The following SCUBE2 variants were observed in gnomAD, a reference collection of about 807,000 sequenced individuals.
SCUBE2 encodes signal peptide, CUB domain and EGF like domain containing 2.
Under a neutral mutation model 125.9 loss-of-function variants are expected in SCUBE2, and 114 were observed. The ratio of observed to expected loss-of-function variants is 0.91; its 90% CI spans 0.78 to 1.06. SCUBE2 has a LOEUF of 1.06. SCUBE2 is among the 50% of genes least tolerant of loss of function. SCUBE2 has a pLI of 0.00. For synonymous variants in SCUBE2, 459 were observed against 492.9 expected, an observed-to-expected ratio of 0.93 and a Z score of 0.91; for missense variants, 1,255 against 1,301.8, an observed-to-expected ratio of 0.96 and a Z score of 0.55.
chr11:9,028,377 T>C (rs1345535158), intron 19 of SCUBE2, among the ~76,000 whole-genome samples: 1 of 152,146 alleles, frequency 6.6e-6, no homozygotes, highest in Non-Finnish European at 1.5e-5. Flanking sequence ...TAATTAGCTA[T>C]CAGTAGGTAC....
Position 9,019,544 on chromosome 11 carries a change from TGAAGA to T in SCUBE2, c.*1496_*1500del, listed in dbSNP as rs1401501501. 6.6e-6 allele frequency among the ~76,000 whole-genome samples: 1 copy of T among 152,120 alleles called. No individual in the cohort carries two copies. The highest frequency in any genetic ancestry group is 1.5e-5 in the Non-Finnish European group (1 of 68,024). ...TTTTTAATGATGATGTTCAAACTTT[TGAAGA>T]GAAATCTGAAAATGAATATTTAGGG... On this transcript the variant is annotated 3_prime_UTR_variant, in exon 23 of 23. Transcript: ENST00000649792.
intron 13 of SCUBE2, among the ~76,000 whole-genome samples, chr11:9,051,789 G>A (rs971514772): frequency 3.3e-5 from 5 of 152,236 alleles, no homozygotes; most frequent in African/African-American, 9.6e-5. Context: ...TGCCTGGTAC[G>A]TAGTAATAAC....
chr11:9,087,716 T>A (rs1314161888), intron 2 of SCUBE2, among the ~76,000 whole-genome samples: 1 of 152,220 alleles, frequency 6.6e-6, no homozygotes, highest in East Asian at 1.9e-4. Flanking sequence ...CCCGTCATAA[T>A]CCCATCTGTT....
At chr11:9,076,362 CT>C (rs776972938) in intron 3 of SCUBE2, among the ~76,000 whole-genome samples, 19 of 152,040 alleles carry the variant, frequency 1.2e-4, no homozygotes, top group Non-Finnish European at 2.5e-4. Flanking sequence ...CTGTGATACC[CT>C]GTGCACAGCT....
At chr11:9,041,078 C>G (rs555397614) in intron 16 of SCUBE2, among the ~76,000 whole-genome samples, 1 of 152,340 alleles carries the variant, frequency 6.6e-6, no homozygotes, top group Admixed American at 6.5e-5. Flanking sequence ...CCACCACTAT[C>G]AATAATGAAC....
chr11:9,062,233 G>T (rs1255127850), intron 7 of SCUBE2, among the ~76,000 whole-genome samples: 1 of 152,190 alleles, frequency 6.6e-6, no homozygotes, highest in Non-Finnish European at 1.5e-5. Flanking sequence ...CAAAAGCTAT[G>T]TTAAAATAAC....
chr11:9,028,576 TAATA>T (rs2135099985), intron 19 of SCUBE2, among the ~76,000 whole-genome samples: 1 of 152,338 alleles, frequency 6.6e-6, no homozygotes, highest in East Asian at 1.9e-4. Context: ...GCTCATTATT[TAATA>T]CTGTCAGGTA....
intron 19 of SCUBE2, among the ~76,000 whole-genome samples, chr11:9,028,244 G>T (rs548571936): frequency 1.3e-5 from 2 of 151,928 alleles, no homozygotes; most frequent in African/African-American, 4.8e-5. Flanking sequence ...GGTCTATGCT[G>T]CCCAGGCTGG....
At chr11:9,085,853 C>A in intron 2 of SCUBE2, among the ~76,000 whole-genome samples, 1 of 146,684 alleles carries the variant, frequency 6.8e-6, no homozygotes, top group African/African-American at 2.6e-5. Context: ...TTTTTTAAGA[C>A]AGAGTGTCTT....
At chr11:9,066,030 G>C in intron 6 of SCUBE2, 50 bp from the exon 7 acceptor site, 1 of 1,284,240 alleles carries the variant, frequency 7.8e-7, no homozygotes, top group Non-Finnish European at 1.1e-6. Context: ...GAGTTAGATT[G>C]CTCATCCCCA....
At chr11:9,089,330 A>G (rs190194367) in intron 2 of SCUBE2, among the ~76,000 whole-genome samples, 389 of 152,338 alleles carry the variant, frequency 2.6e-3, no homozygotes, top group African/African-American at 8.9e-3. Flanking sequence ...ACTTCAGGGC[A>G]AAGGTACAAA....
At chr11:9,066,540 G>T (rs777462200) in intron 6 of SCUBE2, among the ~76,000 whole-genome samples, 157 bp downstream of exon 6, 2 of 152,222 alleles carry the variant, frequency 1.3e-5, no homozygotes, top group Admixed American at 1.3e-4. Context: ...CACAGGCCTA[G>T]ACCACTCCCA....
chr11:9,024,410 G>C, intron 21 of SCUBE2: 2 of 1,288,058 alleles, frequency 1.6e-6, no homozygotes, highest in Non-Finnish European at 2.0e-6. Flanking sequence ...ATTATTTCAG[G>C]CATCTGTAGG....
At chr11:9,024,375 T>C (rs1221626303) in intron 21 of SCUBE2, 9 of 1,288,170 alleles carry the variant, frequency 7.0e-6, no homozygotes, top group Non-Finnish European at 1.0e-6. Flanking sequence ...ATACTAAAAC[T>C]CCTTGTCTTG....
At position 9,066,882 on chromosome 11, in the gene SCUBE2, G is replaced by C. The variant is rs959346782; in HGVS notation, c.644-69C>G. ...CAAACACAGGGCTGTGTTTGCTCCA[G>C]AGAAATTCTGATTTTCATTCTGCAA... On this transcript the variant is annotated intron_variant, in intron 5 of 22. Coordinates refer to ENST00000649792, the MANE Select transcript of SCUBE2 (RefSeq NM_001367977.2). The C allele has an allele frequency of 3.9e-6, 5 of 1,284,542 alleles. No individual in the cohort carries two copies. In the African/African-American group the frequency reaches 5.8e-5, roughly 15 times the overall value. 79.6% of individuals were successfully genotyped at this position (1,284,542 alleles called of 1,614,324 possible).
chr11:9,038,833 A>C (rs1590031100), intron 16 of SCUBE2, among the ~76,000 whole-genome samples: 1 of 152,280 alleles, frequency 6.6e-6, no homozygotes, highest in Non-Finnish European at 1.5e-5. Context: ...AGTATGTTGG[A>C]GGTTTGAAAT....
chr11:9,069,961 C>G (rs1860620681), intron 4 of SCUBE2, among the ~76,000 whole-genome samples: 1 of 152,228 alleles, frequency 6.6e-6, no homozygotes, highest in African/African-American at 2.4e-5. Flanking sequence ...CCTCTCTGCC[C>G]CCACCAATCC....
intron 14 of SCUBE2, among the ~76,000 whole-genome samples, chr11:9,049,522 A>G (rs1858135811): frequency 6.6e-6 from 1 of 152,216 alleles, no homozygotes; most frequent in African/African-American, 2.4e-5. Flanking sequence ...CTGAGATTAC[A>G]GGTATGAGGC....
At chr11:9,077,266 T>C (rs937307490) in intron 3 of SCUBE2, among the ~76,000 whole-genome samples, 1 of 152,132 alleles carries the variant, frequency 6.6e-6, no homozygotes, top group Non-Finnish European at 1.5e-5. Context: ...GTCTAGGTGA[T>C]GGTTTTTTTT....
Sources: gnomAD v4.1 joint callset for allele counts (sites outside exome capture counted in the v4.1 genomes callset) on GRCh38, gnomAD v4.1.1 for gene constraint, MANE v1.5 for transcripts, NCBI Gene and HGNC (gene_info 2026-07-23, HGNC 2026-07-21) for gene names.